MGRN1: variants seen among roughly 807,000 people sequenced by gnomAD.
MGRN1 encodes E3 ubiquitin-protein ligase MGRN1.
Under a neutral mutation model 69.2 loss-of-function variants are expected in MGRN1, and 29 were observed. The observed-to-expected ratio is 0.42, with a 90% CI of 0.31 to 0.57. The LOEUF (loss-of-function observed/expected upper bound fraction) is 0.57. Ranked by LOEUF, MGRN1 falls within the 20% of genes least tolerant of loss-of-function variation. The pLI is 0.15. For missense variants in MGRN1, 998 were observed against 796.2 expected (o/e 1.25, Z -3.05); for synonymous variants, 470 against 344.2 (o/e 1.37, Z -4.04).
At chr16:4,674,611 C>CTTT (rs2079013678) in intron 10 of MGRN1, among the ~76,000 whole-genome samples, 1 of 79,336 alleles carries the variant, frequency 1.3e-5, no homozygotes, top group African/African-American at 5.0e-5. Flanking sequence ...CTTTTTTTTT[C>CTTT]TTTTCTTTTC....
chr16:4,641,651 T>G (rs1393468425), intron 1 of MGRN1, among the ~76,000 whole-genome samples: 1 of 151,840 alleles, frequency 6.6e-6, no homozygotes, highest in Non-Finnish European at 1.5e-5. Flanking sequence ...CCTGAGTAGA[T>G]GGGATTACAG....
intron 8 of MGRN1, among the ~76,000 whole-genome samples, chr16:4,668,643 GAC>G (rs1041566195): frequency 8.0e-5 from 12 of 150,794 alleles, no homozygotes; most frequent in African/African-American, 1.5e-4. Flanking sequence ...CACACACTCA[GAC>G]ACACTCATAT....
intron 5 of MGRN1, among the ~76,000 whole-genome samples, chr16:4,659,950 G>A (rs772188473): frequency 8.5e-5 from 13 of 152,224 alleles, no homozygotes; most frequent in Non-Finnish European, 1.3e-4. Flanking sequence ...CTTGGAGGCC[G>A]TGTGTCTTCT....
chr16:4,634,154 G>C (rs1044588096), intron 1 of MGRN1, among the ~76,000 whole-genome samples: 1 of 152,236 alleles, frequency 6.6e-6, no homozygotes, highest in Non-Finnish European at 1.5e-5. Context: ...GCCTTGGCCA[G>C]TGTTTTGCTC....
At position 4,685,419 on chromosome 16, in the gene MGRN1, C is replaced by G. The variant is rs1196449250; in HGVS notation, c.1618+1487C>G. 2.0e-5 allele frequency among the ~76,000 whole-genome samples: 3 copies of G among 152,214 alleles called. No homozygotes were observed. The East Asian group carries it at 5.8e-4, about 29-fold the overall frequency. ...TCATGCCCCACCCACAGGGGAGGGT[C>G]TCGGGCCTTCTTCAGGCCCACAGAC... is the stretch of plus-strand genomic sequence containing the variant. On this transcript the variant is annotated intron_variant, in intron 16 of 16. Coordinates refer to ENST00000262370, the MANE Select transcript of MGRN1 (RefSeq NM_015246.4).
intron 9 of MGRN1, chr16:4,672,594 C>T (rs944040462): frequency 8.4e-5 from 33 of 392,674 alleles, no homozygotes; most frequent in Non-Finnish European, 1.4e-4. Context: ...TTCAGCCGCC[C>T]GGGCATATGG....
intron 7 of MGRN1, among the ~76,000 whole-genome samples, chr16:4,667,906 A>G (rs181748537): frequency 1.3e-5 from 2 of 151,886 alleles, no homozygotes; most frequent in Admixed American, 1.3e-4. Flanking sequence ...CTGCCAGGTG[A>G]TACTTCTCGG....
intron 9 of MGRN1, chr16:4,672,576 G>A (rs970070930): frequency 4.9e-6 from 2 of 407,842 alleles, no homozygotes; most frequent in Admixed American, 5.6e-5. Flanking sequence ...GTTCAGAGAG[G>A]GAATGTTTTC....
intron 7 of MGRN1, among the ~76,000 whole-genome samples, chr16:4,665,847 T>C (rs1355009934): frequency 1.3e-5 from 2 of 151,530 alleles, no homozygotes. Context: ...TTTTTTTTTT[T>C]GAGACAGAGT....
Position 4,684,523 on chromosome 16 carries a change from C to A in MGRN1, c.1618+591C>A, listed in dbSNP as rs1206884800. ...GAGGCCACCTGATGCAGCAGCACAT[C>A]CCAGGCCAGGCACAGAGGACGGCGG... is the stretch of plus-strand genomic sequence containing the variant. On this transcript the variant is annotated intron_variant, in intron 16 of 16. Coordinates refer to ENST00000262370, the MANE Select transcript of MGRN1 (RefSeq NM_015246.4). Among the ~76,000 whole-genome samples the A allele has an allele frequency of 2.0e-5, 3 of 152,346 alleles. No individual in the cohort carries two copies. The East Asian group carries it at 5.8e-4, about 29-fold the overall frequency.
intron 5 of MGRN1, among the ~76,000 whole-genome samples, chr16:4,663,209 A>G (rs2078721816): frequency 6.6e-6 from 1 of 151,972 alleles, no homozygotes; most frequent in African/African-American, 2.4e-5. Flanking sequence ...GATTACAGGC[A>G]TGCGTCACCA....
intron 1 of MGRN1, among the ~76,000 whole-genome samples, chr16:4,637,403 C>T (rs1318704775): frequency 1.3e-5 from 2 of 152,022 alleles, no homozygotes; most frequent in Non-Finnish European, 2.9e-5. Context: ...GCACTCCAGC[C>T]TGAGCGACAG....
intron 1 of MGRN1, among the ~76,000 whole-genome samples, chr16:4,648,520 C>CG (rs1289019434): frequency 2.0e-5 from 2 of 102,432 alleles, no homozygotes; most frequent in African/African-American, 5.0e-5. Flanking sequence ...GGGCTCCTCC[C>CG]GGGGCTCTTC....
intron 5 of MGRN1, chr16:4,664,417 G>A: frequency 2.2e-6 from 1 of 456,116 alleles, no homozygotes. Flanking sequence ...TTGGGGTGAT[G>A]AAAAGTTCTG....
chr16:4,685,299 TCTCAGAGGCTGCGCCTCCC>T (rs545289259), intron 16 of MGRN1, among the ~76,000 whole-genome samples: 1 of 152,332 alleles, frequency 6.6e-6, no homozygotes, highest in South Asian at 2.1e-4. Flanking sequence ...TGGGGGAGCA[TCTCAGAGGCTGCGCCTCCC>T]CTCTGTGGCC....
chr16:4,664,537 A>G, intron 5 of MGRN1, 172 bp from the exon 6 acceptor site: 1 of 648,546 alleles, frequency 1.5e-6, no homozygotes, highest in Admixed American at 2.8e-5. Context: ...CACACACATA[A>G]AAAAGGTGCC....
chr16:4,685,227 C>A (rs193157063), intron 16 of MGRN1, among the ~76,000 whole-genome samples: 2 of 152,352 alleles, frequency 1.3e-5, no homozygotes, highest in Admixed American at 6.5e-5. Flanking sequence ...GGGGAAGAGG[C>A]CAGAAGGACC....
At chr16:4,684,579 G>A (rs539380703) in intron 16 of MGRN1, among the ~76,000 whole-genome samples, 8 of 152,380 alleles carry the variant, frequency 5.3e-5, no homozygotes, top group African/African-American at 1.9e-4. Flanking sequence ...GAACAGCAAG[G>A]CAGCAAGGCT....
At chr16:4,672,672 G>T (rs2078966164) in intron 9 of MGRN1, among the ~76,000 whole-genome samples, 2 of 152,252 alleles carry the variant, frequency 1.3e-5, no homozygotes, top group Non-Finnish European at 1.5e-5. Context: ...AAATGAGTGG[G>T]TGTGGCGGTG....
Sources: gnomAD v4.1 joint callset for allele counts (sites outside exome capture counted in the v4.1 genomes callset) on GRCh38, gnomAD v4.1.1 for gene constraint, MANE v1.5 for transcripts, NCBI Gene and HGNC (gene_info 2026-07-23, HGNC 2026-07-21) for gene names.